The following BCL11A variants were observed in gnomAD, a reference collection of about 807,000 sequenced individuals.
BCL11A encodes the protein B cell CLL/lymphoma 11A.
A neutral mutation model predicts 55.9 loss-of-function variants in BCL11A; 2 were observed. That is an observed-to-expected ratio of 0.04 (90% CI 0.01 to 0.11). BCL11A has a LOEUF of 0.11. BCL11A is among the 10% of genes least tolerant of loss of function. BCL11A has a pLI of 1.00. For missense variants in BCL11A, 817 were observed against 1,137.1 expected, an observed-to-expected ratio of 0.72 and a Z score of 4.05; for synonymous variants, 465 against 473.4, an observed-to-expected ratio of 0.98 and a Z score of 0.23.
chr2:60,490,940 TA>T (rs35262352), intron 2 of BCL11A, among the ~76,000 whole-genome samples: 3,749 of 142,062 alleles, frequency 0.026, 47 homozygotes, highest in South Asian at 0.042. Context: ...AACTTTCAGA[TA>T]AAAAAAAAAA....
At chr2:60,473,025 TAGCGTG>T (rs1253731361) in intron 2 of BCL11A, among the ~76,000 whole-genome samples, 3 of 131,254 alleles carry the variant, frequency 2.3e-5, no homozygotes, top group Non-Finnish European at 5.6e-5. Flanking sequence ...ATATGTGTGT[TAGCGTG>T]TGCATGCATA....
intron 2 of BCL11A, among the ~76,000 whole-genome samples, chr2:60,493,539 G>C (rs1024208173): frequency 2.0e-5 from 3 of 152,102 alleles, no homozygotes; most frequent in African/African-American, 7.2e-5. Flanking sequence ...GAAATGATGG[G>C]AAGAGACCCC....
At chr2:60,541,831 G>C in intron 2 of BCL11A, 2 of 621,696 alleles carry the variant, frequency 3.2e-6, no homozygotes, top group Admixed American at 3.1e-5. Context: ...AAAGAGAAAA[G>C]AAAAATAAGT....
At chr2:60,462,488 A>C (rs1173464941) in intron 3 of BCL11A, 64 bp from the exon 4 acceptor site, 14 of 1,545,160 alleles carry the variant, frequency 9.1e-6, no homozygotes, top group South Asian at 1.3e-5. Flanking sequence ...GCAATTGCTT[A>C]TTTATGTTCC....
intron 2 of BCL11A, 103 bp downstream of exon 2, chr2:60,545,868 A>T (rs879809817): frequency 2.2e-6 from 2 of 892,804 alleles, no homozygotes; most frequent in Admixed American, 4.3e-5. Context: ...AGTCACATAG[A>T]GTAATAGAGA....
Position 60,458,085 on chromosome 2 carries a change from A to AG in BCL11A, c.*2318dup. 1 of 1,033,474 alleles carries AG rather than the reference A, an allele frequency of 9.7e-7. No individual in the cohort carries two copies. The highest frequency in any genetic ancestry group is 1.2e-6 in the Non-Finnish European group (1 of 858,696). The allele number at this position is 1,033,474 out of a possible 1,614,324, so 64.0% of individuals were successfully genotyped here. A position where few individuals can be genotyped will look rare whatever the true frequency, so the allele number is the denominator to read the frequency against. Reference sequence around the variant, plus strand: ...TACATTGATACCTTTTAAGAGAACAAGCAACAGTTAAAAATACAAGCTTCA... The same window carrying AG: ...TACATTGATACCTTTTAAGAGAACAAGGCAACAGTTAAAAATACAAGCTTCA... On this transcript the variant is annotated 3_prime_UTR_variant, in exon 4 of 4. Transcript: ENST00000642384.
chr2:60,539,492 A>T (rs1669824060), intron 2 of BCL11A, among the ~76,000 whole-genome samples: 1 of 152,202 alleles, frequency 6.6e-6, no homozygotes. Flanking sequence ...GAAATGTTTT[A>T]AAAATGCATA....
At chr2:60,493,892 C>T (rs1678795265) in intron 2 of BCL11A, among the ~76,000 whole-genome samples, 1 of 152,132 alleles carries the variant, frequency 6.6e-6, no homozygotes, top group South Asian at 2.1e-4. Flanking sequence ...GCTGGGGGAT[C>T]AGAGGTGAAC....
At chr2:60,545,848 T>G in intron 2 of BCL11A, 123 bp downstream of exon 2, 1 of 754,986 alleles carries the variant, frequency 1.3e-6, no homozygotes. Flanking sequence ...ATTACAGGGC[T>G]GTCATGGACA....
At chr2:60,515,204 C>T (rs746225108) in intron 2 of BCL11A, among the ~76,000 whole-genome samples, 10 of 152,194 alleles carry the variant, frequency 6.6e-5, no homozygotes, top group Non-Finnish European at 1.0e-4. Context: ...CACAAAGACA[C>T]CACCAGCTAT....
At chr2:60,544,719 C>G (rs1670073133) in intron 2 of BCL11A, 1 of 152,168 alleles carries the variant, frequency 6.6e-6, no homozygotes. Flanking sequence ...TATGCACTAC[C>G]TTTCCTAAAA....
At chr2:60,495,815 C>G (rs750837227) in intron 2 of BCL11A, 1 of 152,154 alleles carries the variant, frequency 6.6e-6, no homozygotes. Context: ...AATTCAATAC[C>G]CCTTCCCCCA....
intron 2 of BCL11A, among the ~76,000 whole-genome samples, chr2:60,477,022 C>T (rs1026467788): frequency 6.6e-6 from 1 of 152,144 alleles, no homozygotes; most frequent in Non-Finnish European, 1.5e-5. Context: ...CAGCTTCACA[C>T]AAACGTATCA....
chr2:60,493,010 TTCTA>T (rs1433271520), intron 2 of BCL11A, among the ~76,000 whole-genome samples: 1 of 152,126 alleles, frequency 6.6e-6, no homozygotes, highest in African/African-American at 2.4e-5. Context: ...GACCCCTTCC[TTCTA>T]ACCACTGAAC....
intron 2 of BCL11A, among the ~76,000 whole-genome samples, chr2:60,496,761 T>G (rs1438059857): frequency 6.8e-6 from 1 of 146,550 alleles, no homozygotes; most frequent in African/African-American, 2.5e-5. Flanking sequence ...CCACTCTAGG[T>G]TCCACTGTGA....
chr2:60,503,917 T>C (rs1679430225), intron 2 of BCL11A, among the ~76,000 whole-genome samples: 1 of 151,982 alleles, frequency 6.6e-6, no homozygotes, highest in Non-Finnish European at 1.5e-5. Flanking sequence ...TCGTTGATTC[T>C]AGAAAAAAAA....
chr2:60,455,070 G>A (rs895768328), downstream of BCL11A, among the ~76,000 whole-genome samples: 1 of 152,180 alleles, frequency 6.6e-6, no homozygotes, highest in Non-Finnish European at 1.5e-5. Context: ...ATGGGTTCAG[G>A]AAGGAGGTAA....
At chr2:60,475,391 G>C (rs764603620) in intron 2 of BCL11A, among the ~76,000 whole-genome samples, 1 of 152,252 alleles carries the variant, frequency 6.6e-6, no homozygotes, top group Non-Finnish European at 1.5e-5. Flanking sequence ...TGGGTGGCCC[G>C]CTAAGGCAAA....
At chr2:60,543,251 C>T (rs1670006002) in intron 2 of BCL11A, 1 of 152,142 alleles carries the variant, frequency 6.6e-6, no homozygotes, top group Admixed American at 6.5e-5. Context: ...ATCCAACTTA[C>T]ATCACTTTAA....
Sources: gnomAD v4.1 joint callset for allele counts (sites outside exome capture counted in the v4.1 genomes callset) on GRCh38, gnomAD v4.1.1 for gene constraint, MANE v1.5 for transcripts, NCBI Gene and HGNC (gene_info 2026-07-23, HGNC 2026-07-21) for gene names.